The following FAAH2 variants were observed in gnomAD, a reference collection of about 807,000 sequenced individuals.
FAAH2 encodes fatty acid amide hydrolase 2.
FAAH2 carries 60 observed loss-of-function variants against 36.9 expected under a neutral mutation model. The observed-to-expected ratio is 1.63, with a 90% CI of 1.32 to 2.02. The LOEUF is 2.02. Ranked by LOEUF, FAAH2 falls within the 30% of genes most tolerant of loss-of-function variation. The probability of loss-of-function intolerance (pLI) is 0.00; values close to 1 mark genes in which losing one functional copy is unlikely to be tolerated. For synonymous variants in FAAH2, 214 were observed against 143.8 expected (o/e 1.49, Z -3.49); for missense variants, 689 against 397.5 (o/e 1.73, Z -6.23).
At chrX:57,247,284 GAA>G in the FAAH2 span, among the ~76,000 whole-genome samples, 1 of 111,068 alleles carries the variant, frequency 9.0e-6, no homozygotes, top group Non-Finnish European at 1.9e-5. Flanking sequence ...ATACAAATAA[GAA>G]AAGTTTTTTT....
chrX:57,212,610 C>A, the FAAH2 span, among the ~76,000 whole-genome samples: 2 of 112,388 alleles, frequency 1.8e-5, no homozygotes, highest in Admixed American at 1.9e-4. Flanking sequence ...CTACACTGAG[C>A]AGACGAAAGA....
intron 1 of FAAH2, among the ~76,000 whole-genome samples, chrX:57,288,016 G>A (rs2051858724): frequency 9.0e-6 from 1 of 111,168 alleles, no homozygotes; most frequent in South Asian, 3.8e-4. Flanking sequence ...TACCAGTTAG[G>A]GAGGCAATGG....
At chrX:57,331,521 G>T (rs2053404973) in intron 3 of FAAH2, 77 bp from the exon 4 acceptor site, 1 of 843,242 alleles carries the variant, frequency 1.2e-6, no homozygotes, top group Non-Finnish European at 1.7e-6. Flanking sequence ...ACATCTAGTT[G>T]GCCATCTTGC....
At chrX:57,272,107 A>G in the FAAH2 span, among the ~76,000 whole-genome samples, 341 of 108,380 alleles carry the variant, frequency 3.1e-3, 1 homozygote, top group African/African-American at 0.011. Context: ...TGAAGAATAT[A>G]CAAGTATCAA....
At chrX:57,184,884 G>T in the FAAH2 span, among the ~76,000 whole-genome samples, 1 of 111,779 alleles carries the variant, frequency 8.9e-6, no homozygotes, top group Non-Finnish European at 1.9e-5. Context: ...TTAGCAAAGT[G>T]CTGGAACATG....
chrX:57,327,041 A>C (rs959563228), intron 3 of FAAH2, among the ~76,000 whole-genome samples: 6 of 108,799 alleles, frequency 5.5e-5, no homozygotes, highest in African/African-American at 2.0e-4. Flanking sequence ...CCTGGTGGTA[A>C]CAAAATCTCT....
At chrX:57,315,539 C>A (rs2052812815) in intron 3 of FAAH2, among the ~76,000 whole-genome samples, 1 of 111,591 alleles carries the variant, frequency 9.0e-6, no homozygotes, top group Admixed American at 9.5e-5. Flanking sequence ...AATCCAGCAA[C>A]ACAACAAAAA....
intron 10 of FAAH2, among the ~76,000 whole-genome samples, chrX:57,481,210 T>A (rs2147277880): frequency 9.0e-6 from 1 of 111,246 alleles, no homozygotes; most frequent in South Asian, 3.8e-4. Flanking sequence ...CAGAGGAGTT[T>A]GTTATTACCT....
the FAAH2 span, among the ~76,000 whole-genome samples, chrX:57,231,637 C>T: frequency 8.9e-6 from 1 of 111,740 alleles, no homozygotes; most frequent in South Asian, 3.7e-4. Flanking sequence ...TTGTTATCCT[C>T]ACAGTACATC....
At chrX:57,298,930 A>T (rs1268516098) in intron 2 of FAAH2, among the ~76,000 whole-genome samples, 1 of 111,149 alleles carries the variant, frequency 9.0e-6, no homozygotes, top group African/African-American at 3.3e-5. Context: ...TGAATAGACC[A>T]ATAATGGGCT....
chrX:57,193,159 A>G, the FAAH2 span, among the ~76,000 whole-genome samples: 1 of 111,992 alleles, frequency 8.9e-6, no homozygotes, highest in South Asian at 3.8e-4. Context: ...TCAGCAAGGA[A>G]CATCCCTGGG....
chrX:57,433,462 C>G (rs987459175), intron 8 of FAAH2, among the ~76,000 whole-genome samples: 2 of 111,712 alleles, frequency 1.8e-5, no homozygotes, highest in African/African-American at 6.5e-5. Context: ...TTTTTAATTA[C>G]AAACCTAATT....
chrX:57,363,616 T>C (rs1221855235), intron 5 of FAAH2, among the ~76,000 whole-genome samples: 1 of 111,472 alleles, frequency 9.0e-6, no homozygotes, highest in African/African-American at 3.3e-5. Context: ...ATAGGAGTGA[T>C]GAGGGTGGGC....
chrX:57,420,331 A>G (rs1476150773), intron 7 of FAAH2, among the ~76,000 whole-genome samples: 3 of 111,644 alleles, frequency 2.7e-5, no homozygotes, highest in Non-Finnish European at 5.6e-5. Flanking sequence ...TTTTCATGAT[A>G]TTGATTCTTC....
At chrX:57,224,016 A>T in the FAAH2 span, among the ~76,000 whole-genome samples, 1 of 111,086 alleles carries the variant, frequency 9.0e-6, no homozygotes, top group Non-Finnish European at 1.9e-5. Flanking sequence ...TCTCCCTTTC[A>T]CCCTTATAAG....
intron 1 of FAAH2, among the ~76,000 whole-genome samples, chrX:57,292,289 A>T (rs770546547): frequency 1.8e-5 from 2 of 111,483 alleles, no homozygotes; most frequent in Admixed American, 1.9e-4. Flanking sequence ...GAACTTTCTT[A>T]TACTGGTATA....
chrX:57,321,452 T>G (rs181550465), intron 3 of FAAH2, among the ~76,000 whole-genome samples: 1 of 109,583 alleles, frequency 9.1e-6, no homozygotes, highest in Non-Finnish European at 1.9e-5. Context: ...TGCATATGTA[T>G]CCCATAACTT....
intron 5 of FAAH2, among the ~76,000 whole-genome samples, chrX:57,351,432 A>G (rs1422925042): frequency 9.0e-6 from 1 of 111,517 alleles, no homozygotes; most frequent in African/African-American, 3.2e-5. Flanking sequence ...TTAAGCAACT[A>G]GAAAAGCCTG....
At chrX:57,459,655 C>A (rs2056923209) in intron 10 of FAAH2, among the ~76,000 whole-genome samples, 1 of 112,410 alleles carries the variant, frequency 8.9e-6, no homozygotes, top group Non-Finnish European at 1.9e-5. Flanking sequence ...AAGAAGCAGG[C>A]AGCAATCTTT....
Sources: gnomAD v4.1 joint callset for allele counts (sites outside exome capture counted in the v4.1 genomes callset) on GRCh38, gnomAD v4.1.1 for gene constraint, MANE v1.5 for transcripts, NCBI Gene and HGNC (gene_info 2026-07-23, HGNC 2026-07-21) for gene names.